Variants in NF1 observed in about 807,000 individuals in gnomAD.
The protein encoded by NF1 is neurofibromin.
NF1 carries 122 observed loss-of-function variants against 325.7 expected under a neutral mutation model. The ratio of observed to expected loss-of-function variants is 0.37; its 90% CI spans 0.32 to 0.44. NF1 has a LOEUF of 0.44. Among genes scored for constraint, NF1 ranks in the 20% least tolerant of loss-of-function variants. The pLI is 1.00. For missense variants in NF1, 2,140 were observed against 3,415.4 expected (o/e 0.63, Z 9.31); for synonymous variants, 1,091 against 1,186.0 (o/e 0.92, Z 1.65).
intron 5 of NF1, 33 bp downstream of exon 5, chr17:31,170,030 A>G: frequency 7.1e-7 from 1 of 1,412,882 alleles, no homozygotes; most frequent in Non-Finnish European, 1.0e-6. Context: ...TCTGAAAAAA[A>G]TCACTGGGTC....
chr17:31,241,780 G>C (rs930325167), intron 29 of NF1, among the ~76,000 whole-genome samples: 2 of 152,162 alleles, frequency 1.3e-5, no homozygotes, highest in African/African-American at 2.4e-5. Flanking sequence ...CAAGATAGTA[G>C]TTCATACCAC....
rs2143627395 is a variant in NF1 at position 31,156,109 on chromosome 17, A to G, written c.187A>G (p.Lys63Glu). ...LVISGLTTILKNVNNMRIFGE... is the reference protein window; with the variant it reads ...LVISGLTTILENVNNMRIFGE... ...TATAAGCGGCCTCACTACTATTTTAAAGAATGTTAACAATATGGTGAGTAT... is the reference window on the plus strand; with the variant it reads ...TATAAGCGGCCTCACTACTATTTTAGAGAATGTTAACAATATGGTGAGTAT... Residue 63 changes from lysine (K) to glutamate (E), a missense_variant, in exon 2 of 58, where the codon AAG (lysine) becomes GAG (glutamate). Lys to Glu is a moderately conservative substitution (Grantham distance 56, BLOSUM62 1). Around this residue, in one of 10 missense-constraint regions of NF1, gnomAD observed 246 missense variants for 347.8 expected, o/e 0.71. Transcript: ENST00000358273. 6.2e-7 allele frequency: 1 copy of G among 1,613,802 alleles called. No individual in the cohort carries two copies. The highest frequency in any genetic ancestry group is 8.5e-7 in the Non-Finnish European group (1 of 1,179,802).
intron 11 of NF1, among the ~76,000 whole-genome samples, chr17:31,201,854 C>T (rs905336615): frequency 6.6e-6 from 1 of 152,122 alleles, no homozygotes; most frequent in African/African-American, 2.4e-5. Context: ...ATTGACTTGC[C>T]ACCTTACCAT....
At chr17:31,222,915 G>T (rs1159205929) in intron 15 of NF1, among the ~76,000 whole-genome samples, 1 of 152,190 alleles carries the variant, frequency 6.6e-6, no homozygotes. Flanking sequence ...AGGCCAGATA[G>T]TAAATATTTT....
chr17:31,260,530 T>C lies in NF1; in HGVS notation c.4577+15T>C. On this transcript the variant is annotated intron_variant, in intron 34 of 57. Coordinates refer to ENST00000358273, the MANE Select transcript of NF1 (RefSeq NM_001042492.3). The stretch of plus-strand genomic sequence containing the variant: ...TCCAGCAACAGGTAAGATTTCCCAG[T>C]CATGGGGATAGTGAACACTCTCCGT... 6.2e-7 allele frequency: 1 copy of C among 1,613,502 alleles called. No individual in the cohort carries two copies. Among genetic ancestry groups the C allele is most frequent in the Non-Finnish European group, 8.5e-7 (1 of 1,179,798 alleles).
intron 36 of NF1, chr17:31,296,331 T>C: frequency 6.2e-7 from 1 of 1,613,974 alleles, no homozygotes; most frequent in Non-Finnish European, 8.5e-7. Context: ...TGATATTCCA[T>C]CAAAGCCTAG....
chr17:31,263,075 A>ATAGG (rs869183381), intron 35 of NF1, among the ~76,000 whole-genome samples: 8,205 of 140,248 alleles, frequency 0.059, 377 homozygotes, highest in African/African-American at 0.12. Context: ...AGGTAGATAG[A>ATAGG]TAGGTAGGTA....
chr17:31,371,710 A>G (rs1470038112), intron 57 of NF1, among the ~76,000 whole-genome samples: 1 of 152,260 alleles, frequency 6.6e-6, no homozygotes, highest in Non-Finnish European at 1.5e-5. Flanking sequence ...TGAATAGAAC[A>G]GATTTTCAGT....
intron 57 of NF1, among the ~76,000 whole-genome samples, chr17:31,364,868 A>G (rs1233244608): frequency 6.6e-6 from 1 of 152,138 alleles, no homozygotes; most frequent in African/African-American, 2.4e-5. Context: ...ATTTTCCCAA[A>G]CACCAATAAG....
At chr17:31,096,047 A>C (rs1911678604) in intron 1 of NF1, among the ~76,000 whole-genome samples, 1 of 150,802 alleles carries the variant, frequency 6.6e-6, no homozygotes, top group African/African-American at 2.4e-5. Context: ...CTGATGACAC[A>C]GACTGCCTTT....
At chr17:31,271,809 C>T (rs2067903728) in intron 36 of NF1, among the ~76,000 whole-genome samples, 1 of 151,462 alleles carries the variant, frequency 6.6e-6, no homozygotes, top group Non-Finnish European at 1.5e-5. Flanking sequence ...TATCCCACAC[C>T]CCCATCCTCT....
At chr17:31,257,168 A>G (rs2067597022) in intron 31 of NF1, among the ~76,000 whole-genome samples, 1 of 152,110 alleles carries the variant, frequency 6.6e-6, no homozygotes, top group African/African-American at 2.4e-5. Context: ...ATTGTGAAAA[A>G]AATAGCTACG....
intron 17 of NF1, 70 bp from the exon 18 acceptor site, chr17:31,226,365 T>C: frequency 7.9e-7 from 1 of 1,264,682 alleles, no homozygotes; most frequent in Non-Finnish European, 1.1e-6. Context: ...ACACAGTTTA[T>C]TGCATTGTTA....
intron 56 of NF1, 33 bp downstream of exon 56, chr17:31,359,048 A>C: frequency 6.3e-7 from 1 of 1,591,478 alleles, no homozygotes; most frequent in South Asian, 1.1e-5. Context: ...AACTTTTGGC[A>C]AAATGAAGGT....
At chr17:31,283,190 G>T (rs1386388001) in intron 36 of NF1, among the ~76,000 whole-genome samples, 2 of 152,032 alleles carry the variant, frequency 1.3e-5, no homozygotes, top group Non-Finnish European at 2.9e-5. Context: ...GGCCGAGGCG[G>T]GCGGATCACG....
At chr17:31,257,037 A>G (rs555781530) in intron 31 of NF1, among the ~76,000 whole-genome samples, 1 of 152,324 alleles carries the variant, frequency 6.6e-6, no homozygotes, top group South Asian at 2.1e-4. Flanking sequence ...ATGAAGCACT[A>G]CATTGAACAA....
At chr17:31,123,083 A>G (rs1914573305) in intron 1 of NF1, among the ~76,000 whole-genome samples, 1 of 152,210 alleles carries the variant, frequency 6.6e-6, no homozygotes, top group South Asian at 2.1e-4. Flanking sequence ...AGCGCATAGA[A>G]TCTTTGCCAT....
At chr17:31,097,328 G>A (rs1353862227) in intron 1 of NF1, among the ~76,000 whole-genome samples, 3 of 151,870 alleles carry the variant, frequency 2.0e-5, no homozygotes, top group Admixed American at 2.0e-4. Context: ...CATGGTGGCG[G>A]GCGCCTGTAA....
At chr17:31,227,411 C>A in intron 19 of NF1, 112 bp from the exon 20 acceptor site, 1 of 1,396,424 alleles carries the variant, frequency 7.2e-7, no homozygotes, top group Non-Finnish European at 1.0e-6. Context: ...GTGCATATTA[C>A]AAGTATAATA....
Sources: gnomAD v4.1 joint callset for allele counts (sites outside exome capture counted in the v4.1 genomes callset) on GRCh38, gnomAD v4.1.1 for gene constraint, gnomAD v4.1.1 regional missense constraint, MANE v1.5 for transcripts, NCBI Gene and HGNC (gene_info 2026-07-23, HGNC 2026-07-21) for gene names.